Variants in SPAG16 observed in about 807,000 individuals in gnomAD.
The protein encoded by SPAG16 is sperm-associated antigen 16 protein.
A neutral mutation model predicts 80.4 loss-of-function variants in SPAG16; 86 were observed. The ratio of observed to expected loss-of-function variants is 1.07; its 90% CI spans 0.90 to 1.28. The LOEUF (loss-of-function observed/expected upper bound fraction) is 1.28, where lower values mean the gene tolerates loss of function less well. SPAG16 is among the 50% of genes most tolerant of loss of function. The pLI, the probability that SPAG16 is intolerant of heterozygous loss-of-function variation, is 0.00. For missense variants in SPAG16, 870 were observed against 765.3 expected, an observed-to-expected ratio of 1.14 and a Z score of -1.61; for synonymous variants, 294 against 265.9, an observed-to-expected ratio of 1.11 and a Z score of -1.03.
At chr2:213,876,617 AAG>A in intron 11 of SPAG16, among the ~76,000 whole-genome samples, 1 of 152,290 alleles carries the variant, frequency 6.6e-6, no homozygotes. Context: ...AAGTCTGGAA[AAG>A]AGAAATTAAT....
intron 11 of SPAG16, among the ~76,000 whole-genome samples, chr2:213,909,152 T>G (rs1366770017): frequency 1.3e-5 from 2 of 152,168 alleles, no homozygotes; most frequent in Non-Finnish European, 2.9e-5. Flanking sequence ...ATAAAATACT[T>G]AGGAATCCAA....
rs138819606 is a variant in SPAG16, at chr2:213,870,218, A to G, written c.1214+7590A>G. Among the ~76,000 whole-genome samples the G allele has an allele frequency of 1.7e-3, 257 of 152,248 alleles. 1 individual carries two copies. The highest frequency in any genetic ancestry group is 5.9e-3 in the African/African-American group (247 of 41,552). The stretch of plus-strand genomic sequence containing the variant: ...CAGGCTCTCTTCCCTTCTCTTCAGA[A>G]CCACATAGCTTTATACAAAGACATA... On this transcript the variant is annotated intron_variant, in intron 11 of 15. Coordinates refer to ENST00000331683, the MANE Select transcript of SPAG16 (RefSeq NM_024532.5).
At chr2:213,992,665 G>C (rs2046342246) in intron 12 of SPAG16, among the ~76,000 whole-genome samples, 1 of 151,994 alleles carries the variant, frequency 6.6e-6, no homozygotes, top group Admixed American at 6.6e-5. Flanking sequence ...CCGAATAATA[G>C]GTGCAAAAAT....
At chr2:214,198,397 C>T (rs2057908305) in intron 15 of SPAG16, among the ~76,000 whole-genome samples, 1 of 152,012 alleles carries the variant, frequency 6.6e-6, no homozygotes. Flanking sequence ...GAATAATGGC[C>T]TCCAGCTCCA....
intron 15 of SPAG16, among the ~76,000 whole-genome samples, chr2:214,186,027 C>T (rs2057458860): frequency 1.2e-5 from 1 of 85,176 alleles, no homozygotes; most frequent in Admixed American, 1.4e-4. Context: ...ATACCCAGCA[C>T]TGTACCAGGC....
intron 15 of SPAG16, among the ~76,000 whole-genome samples, chr2:214,408,294 A>G (rs185392209): frequency 1.3e-5 from 2 of 152,252 alleles, no homozygotes; most frequent in East Asian, 1.9e-4. Flanking sequence ...CAGCTGTTGT[A>G]TAAAGACTAC....
At chr2:213,495,026 A>T (rs2074421014) in intron 10 of SPAG16, among the ~76,000 whole-genome samples, 1 of 151,692 alleles carries the variant, frequency 6.6e-6, no homozygotes, top group Non-Finnish European at 1.5e-5. Flanking sequence ...TTTATTCCTC[A>T]CTCCCTTAGT....
intron 10 of SPAG16, among the ~76,000 whole-genome samples, chr2:213,660,567 T>C (rs898337065): frequency 3.9e-5 from 6 of 152,068 alleles, no homozygotes; most frequent in African/African-American, 1.4e-4. Context: ...AACAGCAAGC[T>C]CTGTGCCAAA....
rs550140225 is a variant in SPAG16, at chr2:214,125,175, G to A, written c.1593+16914G>A. On this transcript the variant is annotated intron_variant, in intron 14 of 15. Transcript: ENST00000331683. ...CCTTATTCCACCTGAGCTGGAGAAA[G>A]TTAGGACCACAGAGAATCTTAAGTA... is the stretch of plus-strand genomic sequence containing the variant. 2.0e-5 allele frequency among the ~76,000 whole-genome samples: 3 copies of A among 151,482 alleles called. No homozygotes were observed. The Admixed American group carries it at 2.0e-4, about 10-fold the overall frequency.
intron 15 of SPAG16, among the ~76,000 whole-genome samples, chr2:214,331,791 A>G (rs1696936114): frequency 6.6e-6 from 1 of 152,168 alleles, no homozygotes. Flanking sequence ...TAGGTCTGAG[A>G]TTATCTTAGG....
At chr2:214,398,311 T>C (rs942406706) in intron 15 of SPAG16, among the ~76,000 whole-genome samples, 1 of 152,262 alleles carries the variant, frequency 6.6e-6, no homozygotes, top group African/African-American at 2.4e-5. Flanking sequence ...CTTTGCCACA[T>C]TGAGTTGACT....
At chr2:214,077,322 T>A (rs1184652440) in intron 13 of SPAG16, among the ~76,000 whole-genome samples, 1 of 152,198 alleles carries the variant, frequency 6.6e-6, no homozygotes, top group Non-Finnish European at 1.5e-5. Context: ...ATATCTTCTT[T>A]ATTCTTCTAC....
At position 213,392,795 on chromosome 2, in the gene SPAG16, G is replaced by A. The variant is rs181747073; in HGVS notation, c.942+17676G>A. Among the ~76,000 whole-genome samples the A allele has an allele frequency of 1.4e-3, 205 of 151,808 alleles. 3 individuals are homozygous for A. Among genetic ancestry groups the A allele is most frequent in the Admixed American group, 1.6e-3 (24 of 15,242 alleles). ...CGGGAGGCAGAGGCTGCAGTGAGCC[G>A]AGATTGCACTACTGCACTCCATCCT... On this transcript the variant is annotated intron_variant, in intron 9 of 15. Coordinates refer to ENST00000331683, the MANE Select transcript of SPAG16 (RefSeq NM_024532.5).
chr2:213,524,460 T>C (rs1575834022), intron 10 of SPAG16, among the ~76,000 whole-genome samples: 1 of 152,110 alleles, frequency 6.6e-6, no homozygotes, highest in African/African-American at 2.4e-5. Flanking sequence ...GAATGGTAGG[T>C]CCACTGACAG....
intron 11 of SPAG16, among the ~76,000 whole-genome samples, chr2:213,873,776 A>G (rs1318296481): frequency 4.0e-5 from 6 of 151,818 alleles, no homozygotes; most frequent in African/African-American, 2.4e-5. Context: ...TTCCATTTCC[A>G]TATATATGTC....
chr2:213,779,996 G>T (rs1273737053), intron 10 of SPAG16, among the ~76,000 whole-genome samples: 2 of 152,160 alleles, frequency 1.3e-5, no homozygotes, highest in Admixed American at 1.3e-4. Flanking sequence ...CTAATTTATT[G>T]CTTAAAATAG....
intron 12 of SPAG16, among the ~76,000 whole-genome samples, chr2:213,957,135 A>T (rs10932519): frequency 0.7 from 106,446 of 151,390 alleles, 37,676 homozygotes; most frequent in South Asian, 0.86. Context: ...TTGTTGGATC[A>T]AGTTGCTTTA....
chr2:213,576,717 A>G (rs542768655), intron 10 of SPAG16, among the ~76,000 whole-genome samples: 1 of 152,260 alleles, frequency 6.6e-6, no homozygotes, highest in South Asian at 2.1e-4. Flanking sequence ...GCAAACTAAC[A>G]CATGAACAGA....
intron 10 of SPAG16, among the ~76,000 whole-genome samples, chr2:213,845,093 A>AACTTAAATACTTTCTCCTGAGAAAATT: frequency 6.6e-6 from 1 of 152,312 alleles, no homozygotes; most frequent in South Asian, 2.1e-4. Flanking sequence ...TTTCTAAAGT[A>AACTTAAATACTTTCTCCTGAGAAAATT]ACTTAAATAC....
Sources: gnomAD v4.1 joint callset for allele counts (sites outside exome capture counted in the v4.1 genomes callset) on GRCh38, gnomAD v4.1.1 for gene constraint, MANE v1.5 for transcripts, NCBI Gene and HGNC (gene_info 2026-07-23, HGNC 2026-07-21) for gene names.